The following ASCC2 variants were observed in gnomAD, a reference collection of about 807,000 sequenced individuals.
ASCC2 encodes ASC-1 complex subunit P100.
ASCC2 carries 42 observed loss-of-function variants against 93.5 expected under a neutral mutation model. That is an observed-to-expected ratio of 0.45 (90% CI 0.35 to 0.58). The LOEUF is 0.58. ASCC2 is among the 20% of genes least tolerant of loss of function. The probability of loss-of-function intolerance (pLI) is 0.00; values close to 1 mark genes in which losing one functional copy is unlikely to be tolerated. For synonymous variants in ASCC2, 364 were observed against 384.2 expected, an observed-to-expected ratio of 0.95 and a Z score of 0.62; for missense variants, 859 against 977.6, an observed-to-expected ratio of 0.88 and a Z score of 1.62.
At position 29,802,089 on chromosome 22, in the gene ASCC2, C is replaced by T. The variant is rs370798289; in HGVS notation, c.1473G>A (p.Leu491=). 1.1e-5 allele frequency: 17 copies of T among 1,614,078 alleles called. No homozygotes were observed. The African/African-American group carries it at 2.0e-4, about 19-fold the overall frequency. Residue 491 remains leucine (L), a synonymous_variant, in exon 14 of 20, where the codon CTG becomes CTA. Coordinates refer to ENST00000307790, the MANE Select transcript of ASCC2 (RefSeq NM_032204.5). ...DLGEGFILAC[L]EYYHYDPEQV... is the part of the protein sequence containing the mutation. ...GCTCTGGGTCGTAGTGGTAGTACTC[C>T]AGGCAGGCCAGGATGAAGCCCTCAC...
intron 15 of ASCC2, among the ~76,000 whole-genome samples, chr22:29,794,526 C>T (rs183943145): frequency 4.6e-5 from 7 of 152,162 alleles, no homozygotes; most frequent in Admixed American, 1.3e-4. Flanking sequence ...GTAAAATGTG[C>T]GTACCTTTCA....
chr22:29,812,041 G>A (rs2147923408), intron 8 of ASCC2, among the ~76,000 whole-genome samples: 1 of 152,316 alleles, frequency 6.6e-6, no homozygotes, highest in East Asian at 1.9e-4. Context: ...CAGGCAGCAG[G>A]TTATCCTAAC....
chr22:29,794,320 C>T (rs568121506), intron 15 of ASCC2, among the ~76,000 whole-genome samples: 3 of 151,906 alleles, frequency 2.0e-5, no homozygotes, highest in South Asian at 2.1e-4. Context: ...GGTGAAACCC[C>T]GTCTCTACTA....
Position 29,816,068 on chromosome 22 carries a change from T to C in ASCC2, c.547A>G (p.Ile183Val), listed in dbSNP as rs1223241122. The C allele has an allele frequency of 2.5e-6, 4 of 1,594,032 alleles. No individual in the cohort carries two copies. The South Asian group carries it at 3.4e-5, about 14-fold the overall frequency. Residue 183 changes from isoleucine to valine, a missense_variant, in exon 6 of 20, where the codon ATC becomes GTC. By Grantham distance (29) the Ile-to-Val change is conservative. Coordinates refer to ENST00000307790, the MANE Select transcript of ASCC2 (RefSeq NM_032204.5). ...TAGTAACTTGGCTGCTGTGTAAAGATGTTTCCTAAAAAGAGAAGAGAAAGG... is the reference window on the plus strand; with the variant it reads ...TAGTAACTTGGCTGCTGTGTAAAGACGTTTCCTAAAAAGAGAAGAGAAAGG... ...SPLLQKMIGN[I>V]FTQQPSYYSD...
intron 17 of ASCC2, 125 bp downstream of exon 17, chr22:29,793,235 T>G: frequency 1.5e-6 from 2 of 1,344,048 alleles, no homozygotes; most frequent in African/African-American, 1.4e-5. Flanking sequence ...GAGCACTGGA[T>G]TAGGAGTCAG....
At chr22:29,808,317 G>A in intron 8 of ASCC2, 132 bp from the exon 9 acceptor site, 1 of 919,238 alleles carries the variant, frequency 1.1e-6, no homozygotes, top group Non-Finnish European at 1.7e-6. Flanking sequence ...GGGACCCCTT[G>A]GTTCTTCCCT....
intron 15 of ASCC2, among the ~76,000 whole-genome samples, chr22:29,798,608 C>T (rs1327051966): frequency 6.6e-6 from 1 of 152,216 alleles, no homozygotes; most frequent in Non-Finnish European, 1.5e-5. Context: ...GCACTGAGTA[C>T]AGCCTATCTG....
rs1014670240 is a variant in ASCC2 at position 29,828,520 on chromosome 22, C to T, written c.82-2740G>A. Among the ~76,000 whole-genome samples, 3 of 152,298 alleles carry T rather than the reference C, an allele frequency of 2.0e-5. No individual in the cohort carries two copies. The South Asian group carries it at 6.2e-4, about 32-fold the overall frequency. On this transcript the variant is annotated intron_variant, in intron 2 of 19. Transcript: ENST00000307790. ...TTTGAGCCAAAGCTTACACTGCAGACCTATTAAATGACCTATGGTATCTGT... is the reference window on the plus strand; with the variant it reads ...TTTGAGCCAAAGCTTACACTGCAGATCTATTAAATGACCTATGGTATCTGT...
At chr22:29,798,481 G>A (rs1000135172) in intron 15 of ASCC2, among the ~76,000 whole-genome samples, 1 of 152,268 alleles carries the variant, frequency 6.6e-6, no homozygotes, top group African/African-American at 2.4e-5. Flanking sequence ...GCCTGACCAC[G>A]AAGTGAGGCC....
Position 29,825,845 on chromosome 22 carries a change from C to T in ASCC2, c.82-65G>A. The T allele has an allele frequency of 1.3e-6, 2 of 1,536,760 alleles. No homozygotes were observed. Among genetic ancestry groups the T allele is most frequent in the Non-Finnish European group, 1.8e-6 (2 of 1,137,574 alleles). On this transcript the variant is annotated intron_variant, in intron 2 of 19. Coordinates refer to ENST00000307790, the MANE Select transcript of ASCC2 (RefSeq NM_032204.5). The surrounding 1 kb of genome is among the most constrained non-coding windows in gnomAD (Gnocchi z 4.9). ...AGTCAGCGAGGGCCCATTTGCCAAC[C>T]CACAGCAATGACAACACTTGGCTGT...
intron 1 of ASCC2, 133 bp from the exon 2 acceptor site, chr22:29,832,475 G>C (rs2063274439): frequency 3.0e-6 from 2 of 674,194 alleles, no homozygotes; most frequent in Non-Finnish European, 4.9e-6. Context: ...TTGTGGTTCA[G>C]GACCTGGTTC....
chr22:29,822,537 G>A, intron 4 of ASCC2, 73 bp from the exon 5 acceptor site: 1 of 1,550,186 alleles, frequency 6.5e-7, no homozygotes, highest in South Asian at 1.1e-5. Flanking sequence ...AAACTCATGA[G>A]AAACGATCTT....
At position 29,816,059 on chromosome 22, in the gene ASCC2, G is replaced by C; in HGVS notation, c.556C>G (p.Gln186Glu). 1 of 1,596,706 alleles carries C rather than the reference G, an allele frequency of 6.3e-7. No homozygotes were observed. The highest frequency in any genetic ancestry group is 8.5e-7 in the Non-Finnish European group (1 of 1,170,778). Residue 186 changes from glutamine to glutamate, a missense_variant, in exon 6 of 20, where the codon CAG becomes GAG. Transcript: ENST00000307790. ...AGGTCACTGTAGTAACTTGGCTGCTGTGTAAAGATGTTTCCTAAAAAGAGA... is the reference window on the plus strand; with the variant it reads ...AGGTCACTGTAGTAACTTGGCTGCTCTGTAAAGATGTTTCCTAAAAAGAGA... ...LQKMIGNIFT[Q>E]QPSYYSDLDE...
intron 5 of ASCC2, chr22:29,821,821 C>A (rs562446015): frequency 5.7e-6 from 2 of 351,050 alleles, no homozygotes; most frequent in African/African-American, 2.2e-5. Context: ...ATAGTGAGAC[C>A]CCATCTACTA....
In ASCC2 at chr22:29,802,085, A is replaced by G. The variant is rs2059152817; in HGVS notation, c.1477T>C (p.Tyr493His). The change falls in exon 14 of 20, where the codon TAC becomes CAC. Residue 493 changes from tyrosine (Y) to histidine (H), a missense_variant. Tyr to His is a moderately conservative substitution (Grantham distance 83). Coordinates refer to ENST00000307790, the MANE Select transcript of ASCC2 (RefSeq NM_032204.5). ...GEGFILACLE[Y>H]YHYDPEQVIN... ...ACCTGCTCTGGGTCGTAGTGGTAGT[A>G]CTCCAGGCAGGCCAGGATGAAGCCC... The G allele has an allele frequency of 6.2e-7, 1 of 1,614,064 alleles. No individual in the cohort carries two copies. Among genetic ancestry groups the G allele is most frequent in the Non-Finnish European group, 8.5e-7 (1 of 1,179,990 alleles).
At chr22:29,800,363 G>A (rs903113738) in intron 15 of ASCC2, among the ~76,000 whole-genome samples, 3 of 152,186 alleles carry the variant, frequency 2.0e-5, no homozygotes, top group Non-Finnish European at 2.9e-5. Flanking sequence ...GATGTTGCTT[G>A]TTTGATGAGT....
Position 29,834,219 on chromosome 22 carries a change from G to GTCT in ASCC2, c.-17-1880_-17-1878dup, listed in dbSNP as rs1385062987. 1.6e-5 allele frequency: 4 copies of GTCT among 245,864 alleles called. No individual in the cohort carries two copies. The Admixed American group carries it at 2.0e-4, about 12-fold the overall frequency. 15.2% of individuals were successfully genotyped at this position (245,864 alleles called of 1,614,324 possible). ...GGTTCTTAACTATTCACTATACTGT[G>GTCT]TCTAGTTTAGTTAAACTTAGGGGTG... On this transcript the variant is annotated intron_variant, in intron 1 of 19. Transcript: ENST00000307790.
At chr22:29,830,130 T>C (rs186693230) in intron 2 of ASCC2, among the ~76,000 whole-genome samples, 1 of 152,312 alleles carries the variant, frequency 6.6e-6, no homozygotes, top group African/African-American at 2.4e-5. Context: ...GCTGCTGTTG[T>C]TGTCCCTGCT....
At chr22:29,801,229 C>T in intron 14 of ASCC2, 119 bp from the exon 15 acceptor site, 1 of 1,297,348 alleles carries the variant, frequency 7.7e-7, no homozygotes, top group East Asian at 2.6e-5. Flanking sequence ...AACAGGCACT[C>T]CTAGGACACA....
Sources: allele counts gnomAD v4.1 joint callset (sites outside exome capture counted in the v4.1 genomes callset), GRCh38; gene constraint gnomAD v4.1.1; non-coding constraint Gnocchi (gnomAD v3.1); transcripts MANE v1.5; gene names NCBI Gene and HGNC (gene_info 2026-07-23, HGNC 2026-07-21).